Variants in TDRD10 observed in about 807,000 individuals in gnomAD.
TDRD10 encodes tudor domain-containing protein 10.
TDRD10 carries 40 observed loss-of-function variants against 48.0 expected under a neutral mutation model. The ratio of observed to expected loss-of-function variants is 0.83; its 90% CI spans 0.65 to 1.09. The LOEUF is 1.09. Among genes scored for constraint, TDRD10 ranks in the 50% least tolerant of loss-of-function variants. TDRD10 has a pLI of 0.00. For missense variants in TDRD10, 378 were observed against 434.7 expected, an observed-to-expected ratio of 0.87 and a Z score of 1.16; for synonymous variants, 162 against 170.4, an observed-to-expected ratio of 0.95 and a Z score of 0.38.
intron 6 of TDRD10, among the ~76,000 whole-genome samples, chr1:154,538,459 A>G (rs1326872964): frequency 6.7e-6 from 1 of 148,872 alleles, no homozygotes; most frequent in East Asian, 2.1e-4. Context: ...CTGAGATAGG[A>G]GAATCGCTTG....
chr1:154,525,354 T>C (rs563416853), intron 6 of TDRD10, among the ~76,000 whole-genome samples: 9 of 151,978 alleles, frequency 5.9e-5, no homozygotes, highest in Non-Finnish European at 1.3e-4. Context: ...TCCCCATAAA[T>C]GTGGACATTT....
chr1:154,507,731 G>A (rs771454375), intron 3 of TDRD10, among the ~76,000 whole-genome samples: 1 of 152,210 alleles, frequency 6.6e-6, no homozygotes, highest in Non-Finnish European at 1.5e-5. Context: ...TCATAGTTTG[G>A]CCTCACCTCC....
At chr1:154,512,966 AG>A (rs1386205838) in intron 4 of TDRD10, among the ~76,000 whole-genome samples, 9 of 152,224 alleles carry the variant, frequency 5.9e-5, no homozygotes, top group African/African-American at 2.2e-4. Flanking sequence ...GATTTGTTTC[AG>A]AATAGCCTAG....
chr1:154,518,089 G>C (rs969964943), intron 4 of TDRD10, among the ~76,000 whole-genome samples: 3 of 152,232 alleles, frequency 2.0e-5, no homozygotes, highest in Admixed American at 2.0e-4. Context: ...CATAAATGCT[G>C]ATGCCTTAAC....
At chr1:154,504,358 A>G (rs1289393498) in intron 1 of TDRD10, among the ~76,000 whole-genome samples, 1 of 152,242 alleles carries the variant, frequency 6.6e-6, no homozygotes. Flanking sequence ...GTGTGGACAC[A>G]TATTTGAATT....
At chr1:154,525,355 G>A (rs1297397714) in intron 6 of TDRD10, among the ~76,000 whole-genome samples, 2 of 151,910 alleles carry the variant, frequency 1.3e-5, no homozygotes, top group African/African-American at 4.8e-5. Flanking sequence ...CCCCATAAAT[G>A]TGGACATTTA....
rs1158967799 is a variant in TDRD10 at position 154,544,378 on chromosome 1, C to T, written c.658C>T (p.His220Tyr). 9 of 1,584,266 alleles carry T rather than the reference C, an allele frequency of 5.7e-6. No homozygotes were observed. The highest frequency in any genetic ancestry group is 7.7e-6 in the Non-Finnish European group (9 of 1,165,388). ...FWAMHVTEAL[H>Y]QNMQALFSTL... is the part of the protein sequence containing the mutation. Reference sequence around the variant, plus strand: ...TGCGTTTTGCACCCCACAGGCTCTGCACCAGAACATGCAGGCTCTGTTTAG... The same window carrying T: ...TGCGTTTTGCACCCCACAGGCTCTGTACCAGAACATGCAGGCTCTGTTTAG... The change falls in exon 10 of 13, where the codon CAC becomes TAC. Residue 220 changes from histidine to tyrosine, a missense_variant. Physicochemically the swap from His to Tyr is moderately conservative, Grantham distance 83. This residue lies in a region of TDRD10 where 310 missense variants were observed against 323.6 expected (regional missense o/e 0.96). Coordinates refer to ENST00000368482, the MANE Select transcript of TDRD10 (RefSeq NM_182499.4).
intron 6 of TDRD10, among the ~76,000 whole-genome samples, chr1:154,533,894 T>TATATATATA (rs199523039): frequency 1.3e-4 from 14 of 110,508 alleles, no homozygotes; most frequent in Admixed American, 6.5e-4. Flanking sequence ...TATATATATA[T>TATATATATA]TTTTTTTTAA....
At chr1:154,506,935 G>A (rs1483481609) in intron 2 of TDRD10, 30 bp downstream of exon 2, 2 of 1,614,192 alleles carry the variant, frequency 1.2e-6, no homozygotes, top group Non-Finnish European at 8.5e-7. Flanking sequence ...TGATGAGCAA[G>A]CCTCGCTCCA....
intron 6 of TDRD10, among the ~76,000 whole-genome samples, chr1:154,524,661 T>A (rs1447909194): frequency 6.6e-6 from 1 of 152,222 alleles, no homozygotes. Flanking sequence ...GTCTTTTTCT[T>A]GGGTAACACC....
intron 6 of TDRD10, among the ~76,000 whole-genome samples, chr1:154,529,866 C>T (rs558416479): frequency 1.3e-5 from 2 of 152,184 alleles, no homozygotes; most frequent in African/African-American, 4.8e-5. Flanking sequence ...TTGTAATGTC[C>T]CAAAGTTCTA....
At chr1:154,519,956 T>C (rs4518898) in intron 4 of TDRD10, among the ~76,000 whole-genome samples, 119,728 of 152,152 alleles carry the variant, frequency 0.79, 47,803 homozygotes, top group East Asian at 0.92. Context: ...CGCAAAGCTG[T>C]GGAAGTCACT....
chr1:154,503,822 C>G (rs116036274), intron 1 of TDRD10, among the ~76,000 whole-genome samples: 357 of 152,288 alleles, frequency 2.3e-3, no homozygotes, highest in Non-Finnish European at 4.2e-3. Flanking sequence ...AATGCGTGCT[C>G]ATACTGACGT....
At position 154,542,679 on chromosome 1, in the gene TDRD10, T is replaced by C. The variant is rs375826677; in HGVS notation, c.413-52T>C. On this transcript the variant is annotated intron_variant, in intron 7 of 12. Transcript: ENST00000368482. ...GGCCTCTTGTGGGTTAGGGGAGCAA[T>C]TCCTCTCTGGGTAGTTCTGGTGCCT... is the stretch of plus-strand genomic sequence containing the variant. 402 of 1,501,294 alleles carry C rather than the reference T, an allele frequency of 2.7e-4. 1 individual carries two copies. The African/African-American group carries it at 4.8e-3, about 18-fold the overall frequency. 93.0% of individuals were successfully genotyped at this position (1,501,294 alleles called of 1,614,324 possible). A position where few individuals can be genotyped will look rare whatever the true frequency, so the allele number is the denominator to read the frequency against.
At chr1:154,531,847 C>A (rs936710973) in intron 6 of TDRD10, among the ~76,000 whole-genome samples, 1 of 152,114 alleles carries the variant, frequency 6.6e-6, no homozygotes, top group East Asian at 1.9e-4. Context: ...GTTTACAATC[C>A]CTGAGCTAGA....
At chr1:154,526,417 ATTTTTT>A (rs58821375) in intron 6 of TDRD10, among the ~76,000 whole-genome samples, 4 of 133,158 alleles carry the variant, frequency 3.0e-5, no homozygotes, top group Non-Finnish European at 6.4e-5. Context: ...ACTTTCACAG[ATTTTTT>A]TTTTTTTTTT....
chr1:154,527,187 A>G lies in TDRD10; in HGVS notation c.369+5708A>G, dbSNP rs1375856357. On this transcript the variant is annotated intron_variant, in intron 6 of 12. Transcript: ENST00000368482. ...CTGCCTCCCAAAGTGCTGGGATTAC[A>G]GGCATGAGCCACTGCGCCTGGCCCT... Among the ~76,000 whole-genome samples, 9 of 152,230 alleles carry G rather than the reference A, an allele frequency of 5.9e-5. No individual in the cohort carries two copies. In the East Asian group the frequency reaches 1.2e-3, roughly 20 times the overall value.
At chr1:154,524,739 C>T (rs766769574) in intron 6 of TDRD10, among the ~76,000 whole-genome samples, 3 of 152,040 alleles carry the variant, frequency 2.0e-5, no homozygotes, top group Non-Finnish European at 2.9e-5. Context: ...AAGGTCTGTC[C>T]CCCTTGCTGG....
At chr1:154,510,845 G>A (rs1693424061) in intron 4 of TDRD10, among the ~76,000 whole-genome samples, 1 of 151,546 alleles carries the variant, frequency 6.6e-6, no homozygotes, top group Non-Finnish European at 1.5e-5. Flanking sequence ...AGGAGCTCGA[G>A]ATCATCCTGG....
Sources: gnomAD v4.1 joint callset for allele counts (sites outside exome capture counted in the v4.1 genomes callset) on GRCh38, gnomAD v4.1.1 for gene constraint, gnomAD v4.1.1 regional missense constraint, MANE v1.5 for transcripts, NCBI Gene and HGNC (gene_info 2026-07-23, HGNC 2026-07-21) for gene names.